Variants in MUC4 observed in about 807,000 individuals in gnomAD.
MUC4 encodes mucin-4.
Under a neutral mutation model 257.9 loss-of-function variants are expected in MUC4, and 202 were observed. That is an observed-to-expected ratio of 0.78 (90% CI 0.70 to 0.88). The LOEUF is 0.88. Ranked by LOEUF, MUC4 falls within the 40% of genes least tolerant of loss-of-function variation. MUC4 has a pLI of 0.00. For synonymous variants in MUC4, 2,351 were observed against 2,757.1 expected (o/e 0.85, Z 4.62); for missense variants, 5,976 against 6,513.7 (o/e 0.92, Z 2.84).
chr3:195,780,189 G>C lies in MUC4; in HGVS notation c.11391C>G (p.Asp3797Glu), dbSNP rs1320075893. The C allele has an allele frequency of 4.1e-6, 6 of 1,475,252 alleles. No homozygotes were observed. In the African/African-American group the frequency reaches 4.3e-5, roughly 11 times the overall value. The allele number at this position is 1,475,252 out of a possible 1,614,324, so 91.4% of individuals were successfully genotyped here. Reference protein sequence around the residue: ...TGDTTPLPVTDTSSASTGQAT... With the variant: ...TGDTTPLPVTETSSASTGQAT... The stretch of plus-strand genomic sequence containing the variant: ...CCTGACCTGTGGATGCTGAGGAAGT[G>C]TCGGTGACAGGAAGAGGGGTGGTGT... The change falls in exon 2 of 25, where the codon GAC (aspartate) becomes GAG (glutamate). Residue 3797 changes from aspartate (D) to glutamate (E), a missense_variant. Asp to Glu is a conservative substitution (Grantham distance 45). Coordinates refer to ENST00000463781, the MANE Select transcript of MUC4 (RefSeq NM_018406.7).
At chr3:195,754,895 A>G (rs1717298361) in intron 18 of MUC4, among the ~76,000 whole-genome samples, 1 of 26,988 alleles carries the variant, frequency 3.7e-5, no homozygotes, top group African/African-American at 1.0e-4. Flanking sequence ...GTATGTATCC[A>G]TGTATGTATG....
At chr3:195,747,496 C>T in intron 24 of MUC4, 116 bp from the exon 25 acceptor site, 8 of 1,216,964 alleles carry the variant, frequency 6.6e-6, no homozygotes, top group Non-Finnish European at 9.3e-6. Context: ...GCCCCACTCT[C>T]CGGAGAGACT....
At position 195,811,865 on chromosome 3, in the gene MUC4, A is replaced by G; in HGVS notation, c.-48T>C. 1 of 1,583,660 alleles carries G rather than the reference A, an allele frequency of 6.3e-7. No homozygotes were observed. Among genetic ancestry groups the G allele is most frequent in the South Asian group, 1.1e-5 (1 of 89,936 alleles). ...GCTCCCTGGGGAAGCTCCACGGCCC[A>G]GCAGCTGCAGTGTGAGGAGCAGACG... On this transcript the variant is annotated 5_prime_UTR_variant, in exon 1 of 25. Transcript: ENST00000463781.
At chr3:195,750,051 C>T (rs1716060181) in intron 23 of MUC4, 2 of 152,290 alleles carry the variant, frequency 1.3e-5, no homozygotes, top group Admixed American at 1.3e-4. Context: ...AGAGAGCGGG[C>T]TTAGCCTGGA....
In MUC4 at chr3:195,811,890, G is replaced by A. The variant is rs117133555; in HGVS notation, c.-73C>T. On this transcript the variant is annotated 5_prime_UTR_variant, in exon 1 of 25. The change creates a new upstream start codon in the 5' untranslated region. Transcript: ENST00000463781. ...AGCAGCTGCAGTGTGAGGAGCAGACGTGAGCCCGTCCCCTCAGGCGGCTGG... is the reference window on the plus strand; with the variant it reads ...AGCAGCTGCAGTGTGAGGAGCAGACATGAGCCCGTCCCCTCAGGCGGCTGG... 598 of 1,456,576 alleles carry A rather than the reference G, an allele frequency of 4.1e-4. 5 individuals are homozygous for A. In the East Asian group the frequency reaches 0.012, roughly 30 times the overall value. The allele number at this position is 1,456,576 out of a possible 1,614,324, so 90.2% of individuals were successfully genotyped here.
At chr3:195,811,145 A>ATATTTATTTATT (rs71885309) in intron 1 of MUC4, among the ~76,000 whole-genome samples, 1 of 136,702 alleles carries the variant, frequency 7.3e-6, no homozygotes, top group African/African-American at 2.7e-5. Context: ...ATTTTATTTT[A>ATATTTATTTATT]TATTTATTTA....
chr3:195,749,325 C>T (rs1358256296), intron 23 of MUC4, among the ~76,000 whole-genome samples: 2 of 145,088 alleles, frequency 1.4e-5, no homozygotes, highest in Non-Finnish European at 2.9e-5. Flanking sequence ...GAAAAAGGTT[C>T]CTAGGGAAAA....
chr3:195,751,338 C>T, intron 21 of MUC4, 67 bp from the exon 22 acceptor site: 6 of 1,192,530 alleles, frequency 5.0e-6, no homozygotes, highest in Non-Finnish European at 7.3e-6. Flanking sequence ...GCCCTCCCAC[C>T]TTGATGGGTG....
rs56111561 is a variant in MUC4, at chr3:195,786,869, C to G, written c.4711G>C (p.Val1571Leu). 551 of 1,536,620 alleles carry G rather than the reference C, an allele frequency of 3.6e-4. 2 individuals carry two copies. In the African/African-American group the frequency reaches 7.0e-3, roughly 19 times the overall value. ...GTAGATGCTGAGGAAGGGCTGGTGA[C>G]AGGAAGAGGGGTGGTGTGACCTGTG... ...VSTGHTTPLPVTSPSSASTGH... is the reference protein window; with the variant it reads ...VSTGHTTPLPLTSPSSASTGH... Residue 1571 changes from valine to leucine, a missense_variant, in exon 2 of 25, where the codon GTC (valine) becomes CTC (leucine). Transcript: ENST00000463781.
chr3:195,788,495 C>T lies in MUC4; in HGVS notation c.3085G>A (p.Asp1029Asn), dbSNP rs201613765. The change falls in exon 2 of 25, where the codon GAC becomes AAC. Residue 1029 changes from aspartate to asparagine, a missense_variant. Transcript: ENST00000463781. ...TGACCTGTGGATTCTGAGGAAGTGT[C>T]GGTGACAGGAAGAGGGGTGGTGTGA... Reference protein sequence around the residue: ...TGHTTPLPVTDTSSESTGHVT... With the variant: ...TGHTTPLPVTNTSSESTGHVT... The T allele has an allele frequency of 3.9e-5, 52 of 1,322,860 alleles. No individual in the cohort carries two copies. The highest frequency in any genetic ancestry group is 5.0e-5 in the Non-Finnish European group (51 of 1,019,266). The allele number at this position is 1,322,860 out of a possible 1,614,324, so 81.9% of individuals were successfully genotyped here.
In MUC4 at chr3:195,782,110, T is replaced by C. The variant is rs1427963377; in HGVS notation, c.9470A>G (p.Asp3157Gly). 16 of 1,364,880 alleles carry C rather than the reference T, an allele frequency of 1.2e-5. No homozygotes were observed. Among genetic ancestry groups the C allele is most frequent in the Non-Finnish European group, 1.5e-5 (16 of 1,038,566 alleles). 84.5% of individuals were successfully genotyped at this position (1,364,880 alleles called of 1,614,324 possible). A position where few individuals can be genotyped will look rare whatever the true frequency, so the allele number is the denominator to read the frequency against. The change falls in exon 2 of 25, where the codon GAC (aspartate) becomes GGC (glycine). Residue 3157 changes from aspartate (D) to glycine (G), a missense_variant. Physicochemically the swap from Asp to Gly is moderately conservative, Grantham distance 94. Around this residue, in one of 44 missense-constraint regions of MUC4, gnomAD observed 128 missense variants for 104.8 expected, o/e 1.22. Transcript: ENST00000463781. ...CTGACCTGTGGATGCTGAGGAAGTG[T>C]CGGTGACAGGAAGAGGGGTGGTGTC... Reference protein sequence around the residue: ...TGDTTPLPVTDTSSASTGQAT... With the variant: ...TGDTTPLPVTGTSSASTGQAT...
At chr3:195,800,219 A>T (rs1735116304) in intron 1 of MUC4, among the ~76,000 whole-genome samples, 1 of 152,092 alleles carries the variant, frequency 6.6e-6, no homozygotes, top group Non-Finnish European at 1.5e-5. Context: ...TGGAGGTTGC[A>T]GTGAGCCGAG....
intron 21 of MUC4, 40 bp downstream of exon 21, chr3:195,752,333 A>AGC: frequency 1.3e-6 from 2 of 1,557,978 alleles, no homozygotes; most frequent in Non-Finnish European, 1.8e-6. Context: ...GAACCCGCCA[A>AGC]GCGCCCCCTC....
intron 1 of MUC4, among the ~76,000 whole-genome samples, chr3:195,801,866 A>C (rs1735367617): frequency 1.4e-5 from 2 of 146,000 alleles, no homozygotes; most frequent in South Asian, 2.2e-4. Flanking sequence ...ACCCAGCCTC[A>C]CCCTCATTGA....
At chr3:195,766,261 G>A (rs879736486) in intron 8 of MUC4, among the ~76,000 whole-genome samples, 3 of 152,078 alleles carry the variant, frequency 2.0e-5, no homozygotes, top group Non-Finnish European at 2.9e-5. Flanking sequence ...GCGCCCAGCC[G>A]GTAGATTTTC....
chr3:195,803,288 G>C (rs748093989), intron 1 of MUC4, among the ~76,000 whole-genome samples: 19 of 152,196 alleles, frequency 1.2e-4, no homozygotes, highest in Non-Finnish European at 2.5e-4. Flanking sequence ...CCCGATTCTT[G>C]CGTGCCTTCC....
chr3:195,801,813 C>A (rs573871911), intron 1 of MUC4, among the ~76,000 whole-genome samples: 7 of 152,196 alleles, frequency 4.6e-5, no homozygotes, highest in Non-Finnish European at 7.4e-5. Context: ...GTATTGCGCC[C>A]CCCCCTCCAC....
chr3:195,764,072 A>T lies in MUC4; in HGVS notation c.14017T>A (p.Cys4673Ser). The change falls in exon 11 of 25, where the codon TGT becomes AGT. Residue 4673 changes from cysteine to serine, a missense_variant. Cys to Ser is a moderately radical substitution (Grantham distance 112, BLOSUM62 -1). This residue lies in a region of MUC4 where 996 missense variants were observed against 1,137.3 expected (regional missense o/e 0.88). Transcript: ENST00000463781. ...GGCTGTGGGGGCCTGTATGTAGCAC[A>T]GCCCACGTGGGGCCGCCTCTGCTGG... is the stretch of plus-strand genomic sequence containing the variant. ...LYQQRRPHVGCATYRPPQPAW... is the reference protein window; with the variant it reads ...LYQQRRPHVGSATYRPPQPAW... The T allele has an allele frequency of 6.2e-7, 1 of 1,610,754 alleles. No homozygotes were observed. Among genetic ancestry groups the T allele is most frequent in the Non-Finnish European group, 8.5e-7 (1 of 1,179,092 alleles).
At chr3:195,799,592 G>A (rs1215615986) in intron 1 of MUC4, among the ~76,000 whole-genome samples, 10 of 152,264 alleles carry the variant, frequency 6.6e-5, no homozygotes, top group Middle Eastern at 3.4e-3. Flanking sequence ...GTGAGCCACC[G>A]CGCCCGGCCT....
Sources: gnomAD v4.1 joint callset for allele counts (sites outside exome capture counted in the v4.1 genomes callset) on GRCh38, gnomAD v4.1.1 for gene constraint, gnomAD v4.1.1 regional missense constraint, MANE v1.5 for transcripts, NCBI Gene and HGNC (gene_info 2026-07-23, HGNC 2026-07-21) for gene names.